Variants in TP63 observed in about 807,000 individuals in gnomAD.
TP63 encodes tumor protein p63, also known as tumor protein 63.
In TP63, 17 loss-of-function variants were observed where a neutral mutation model predicts 82.8. That is an observed-to-expected ratio of 0.21 (90% CI 0.14 to 0.31). The LOEUF (loss-of-function observed/expected upper bound fraction) is 0.31. Ranked by LOEUF, TP63 falls within the 10% of genes least tolerant of loss-of-function variation. The pLI, the probability that TP63 is intolerant of heterozygous loss-of-function variation, is 1.00. For missense variants in TP63, 648 were observed against 895.3 expected (o/e 0.72, Z 3.52); for synonymous variants, 330 against 321.7 (o/e 1.03, Z -0.28).
At chr3:189,609,883 C>T in the TP63 span, among the ~76,000 whole-genome samples, 3 of 152,114 alleles carry the variant, frequency 2.0e-5, no homozygotes, top group East Asian at 5.8e-4. Context: ...TTATATTCCT[C>T]TTTGTATATA....
intron 12 of TP63, among the ~76,000 whole-genome samples, chr3:189,890,272 C>T (rs1415547588): frequency 6.6e-6 from 1 of 152,104 alleles, no homozygotes; most frequent in East Asian, 1.9e-4. Flanking sequence ...CAGTCTCAGA[C>T]CAGCACCAAA....
chr3:189,799,233 C>A (rs559455870), intron 3 of TP63, among the ~76,000 whole-genome samples: 1 of 152,048 alleles, frequency 6.6e-6, no homozygotes, highest in Admixed American at 6.6e-5. Flanking sequence ...CTTAAACATA[C>A]AATCACAAAC....
At chr3:189,725,197 G>A (rs1454218736) in intron 1 of TP63, among the ~76,000 whole-genome samples, 1 of 150,992 alleles carries the variant, frequency 6.6e-6, no homozygotes, top group Non-Finnish European at 1.5e-5. Context: ...AAATTTACCA[G>A]GACAAATAAT....
At chr3:189,605,851 A>G in the TP63 span, among the ~76,000 whole-genome samples, 1 of 152,192 alleles carries the variant, frequency 6.6e-6, no homozygotes, top group Non-Finnish European at 1.5e-5. Flanking sequence ...ATCAAAGGCA[A>G]ATTTTACACT....
chr3:189,838,435 A>C (rs919430950), intron 4 of TP63, among the ~76,000 whole-genome samples: 9 of 152,248 alleles, frequency 5.9e-5, no homozygotes, highest in African/African-American at 2.2e-4. Flanking sequence ...TATTAAGTTT[A>C]CAAAGAATGC....
chr3:189,677,183 T>C (rs1715477613), intron 1 of TP63, among the ~76,000 whole-genome samples: 1 of 151,454 alleles, frequency 6.6e-6, no homozygotes, highest in African/African-American at 2.4e-5. Flanking sequence ...TTGAATAGTA[T>C]TCCATGGTGT....
At chr3:189,646,870 A>G (rs1712462835) in intron 1 of TP63, among the ~76,000 whole-genome samples, 1 of 147,714 alleles carries the variant, frequency 6.8e-6, no homozygotes, top group African/African-American at 2.5e-5. Flanking sequence ...TCATGTGAGA[A>G]CATGTGGAGT....
At position 189,731,789 on chromosome 3, in the gene TP63, T is replaced by G. The variant is rs560510293; in HGVS notation, c.63-5951T>G. On this transcript the variant is annotated intron_variant, in intron 1 of 13. Transcript: ENST00000264731. ...CTTTCTATCTTTAGGTGTGACTGAC[T>G]TGACAAAAACCTTTGAACAGAATGA... 3.1e-3 allele frequency among the ~76,000 whole-genome samples: 473 copies of G among 152,336 alleles called. 1 individual carries two copies. The highest frequency in any genetic ancestry group is 0.019 in the South Asian group (90 of 4,824).
intron 3 of TP63, among the ~76,000 whole-genome samples, chr3:189,742,679 A>G (rs1232261950): frequency 6.6e-6 from 1 of 152,248 alleles, no homozygotes; most frequent in African/African-American, 2.4e-5. Context: ...TTTCAAGCAC[A>G]TACAGTAGGT....
At chr3:189,843,497 T>A (rs1425544703) in intron 4 of TP63, among the ~76,000 whole-genome samples, 2 of 152,120 alleles carry the variant, frequency 1.3e-5, no homozygotes, top group Non-Finnish European at 1.5e-5. Flanking sequence ...TTTAAAAAAA[T>A]GATCAAGAGC....
chr3:189,755,006 A>G (rs1455173304), intron 3 of TP63, among the ~76,000 whole-genome samples: 1 of 152,176 alleles, frequency 6.6e-6, no homozygotes. Flanking sequence ...TAGAATTGTA[A>G]CATGGGATTT....
upstream of TP63, chr3:189,631,331 A>C (rs1729444177): frequency 1.4e-6 from 2 of 1,422,174 alleles, no homozygotes; most frequent in African/African-American, 2.9e-5. Context: ...ATTGGCTAAA[A>C]TCAAGAAACG....
intron 1 of TP63, among the ~76,000 whole-genome samples, chr3:189,711,411 C>A (rs1043112578): frequency 6.6e-6 from 1 of 152,108 alleles, no homozygotes; most frequent in African/African-American, 2.4e-5. Flanking sequence ...ATTAGTAAGA[C>A]AAGGCTGCTA....
chr3:189,861,809 A>G (rs7612589), intron 4 of TP63, among the ~76,000 whole-genome samples: 35,325 of 152,144 alleles, frequency 0.23, 7,192 homozygotes, highest in African/African-American at 0.56. Flanking sequence ...GAACAGAGAC[A>G]TAAGAAACTG....
At chr3:189,728,302 A>G (rs966762651) in intron 1 of TP63, among the ~76,000 whole-genome samples, 4 of 152,226 alleles carry the variant, frequency 2.6e-5, no homozygotes, top group African/African-American at 9.6e-5. Context: ...TTATTAGTTG[A>G]GGCAACAGAC....
chr3:189,606,909 A>G, the TP63 span, among the ~76,000 whole-genome samples: 1 of 152,082 alleles, frequency 6.6e-6, no homozygotes, highest in Non-Finnish European at 1.5e-5. Flanking sequence ...ACCCATATAA[A>G]TGTGATGGAA....
At chr3:189,633,977 A>G (rs368134983) in intron 1 of TP63, among the ~76,000 whole-genome samples, 43 of 152,276 alleles carry the variant, frequency 2.8e-4, no homozygotes, top group East Asian at 2.3e-3. Flanking sequence ...CTGAATTATT[A>G]CTATTTTCCA....
intron 4 of TP63, among the ~76,000 whole-genome samples, chr3:189,848,646 C>T (rs1213200654): frequency 6.6e-6 from 1 of 152,202 alleles, no homozygotes; most frequent in Non-Finnish European, 1.5e-5. Flanking sequence ...TGGATTTCTA[C>T]AGAAATTCTG....
intron 9 of TP63, among the ~76,000 whole-genome samples, chr3:189,870,027 T>C (rs1718227082): frequency 6.6e-6 from 1 of 152,140 alleles, no homozygotes; most frequent in Admixed American, 6.5e-5. Context: ...AAAGCTAAAC[T>C]CCTAACAGAA....
Sources: allele counts gnomAD v4.1 joint callset (sites outside exome capture counted in the v4.1 genomes callset), GRCh38; gene constraint gnomAD v4.1.1; transcripts MANE v1.5; gene names NCBI Gene and HGNC (gene_info 2026-07-23, HGNC 2026-07-21).